Variants in IMPACT observed in about 807,000 individuals in gnomAD.
IMPACT encodes protein IMPACT.
IMPACT carries 35 observed loss-of-function variants against 47.5 expected under a neutral mutation model. That is an observed-to-expected ratio of 0.74 (90% CI 0.56 to 0.98). The LOEUF is 0.98. IMPACT is among the 50% of genes least tolerant of loss of function. IMPACT has a pLI of 0.00. For missense variants in IMPACT, 373 were observed against 394.8 expected (o/e 0.94, Z 0.47); for synonymous variants, 118 against 125.6 (o/e 0.94, Z 0.40).
rs1909441754 is a variant in IMPACT, at chr18:24,453,502, A to T, written c.*2655A>T. 6.7e-6 allele frequency: 1 copy of T among 149,104 alleles called. No individual in the cohort carries two copies. The highest frequency in any genetic ancestry group is 2.4e-5 in the African/African-American group (1 of 41,212). The allele number at this position is 149,104 out of a possible 1,614,324, so 9.2% of individuals were successfully genotyped here. The stretch of plus-strand genomic sequence containing the variant: ...TAGAAGTATATTGTTAACATTTTCC[A>T]TGTCAATAAATATTCTTCTATGGCT... On this transcript the variant is annotated 3_prime_UTR_variant, in exon 11 of 11. Transcript: ENST00000284202.
rs1909436563 is a variant in IMPACT at position 24,453,383 on chromosome 18, TTTC to T, written c.*2539_*2541del. ...GGTATGTACATCCTTATATTATTTT[TTTC>T]TTATGCATGATTTTGTATATATGGT... On this transcript the variant is annotated 3_prime_UTR_variant, in exon 11 of 11. Transcript: ENST00000284202. 1 of 152,218 alleles carries T rather than the reference TTTC, an allele frequency of 6.6e-6. No individual in the cohort carries two copies. Among genetic ancestry groups the T allele is most frequent in the African/African-American group, 2.4e-5 (1 of 41,458 alleles). The allele number at this position is 152,218 out of a possible 1,614,324, so 9.4% of individuals were successfully genotyped here.
In IMPACT at chr18:24,429,051, G is replaced by T. The variant is rs533196213; in HGVS notation, c.218+130G>T. ...ATATAGAAATTAAAAATACCTTTTG[G>T]GTTTGGTATAGAGCATTTAAATAAA... is the stretch of plus-strand genomic sequence containing the variant. On this transcript the variant is annotated intron_variant, in intron 3 of 10. Coordinates refer to ENST00000284202, the MANE Select transcript of IMPACT (RefSeq NM_018439.4). The T allele has an allele frequency of 1.3e-4, 74 of 568,194 alleles. No homozygotes were observed. The East Asian group carries it at 2.4e-3, about 18-fold the overall frequency. 35.2% of individuals were successfully genotyped at this position (568,194 alleles called of 1,614,324 possible). A position where few individuals can be genotyped will look rare whatever the true frequency, so the allele number is the denominator to read the frequency against.
chr18:24,449,983 A>T (rs1909341782), intron 10 of IMPACT, 30 bp downstream of exon 10: 1 of 1,603,798 alleles, frequency 6.2e-7, no homozygotes, highest in Non-Finnish European at 8.5e-7. Context: ...ACATCTAGAG[A>T]ATTTCTCATC....
intron 8 of IMPACT, among the ~76,000 whole-genome samples, chr18:24,447,387 A>AT (rs571145746): frequency 1.5e-4 from 23 of 149,378 alleles, no homozygotes; most frequent in South Asian, 6.4e-4. Context: ...AACTGACACT[A>AT]TTTTTTTTTT....
intron 6 of IMPACT, 36 bp from the exon 7 acceptor site, chr18:24,443,013 G>T: frequency 3.5e-6 from 4 of 1,154,020 alleles, no homozygotes; most frequent in Non-Finnish European, 5.1e-6. Flanking sequence ...TGAATGTAAG[G>T]CTTTTTAAAA....
intron 7 of IMPACT, among the ~76,000 whole-genome samples, 186 bp downstream of exon 7, chr18:24,443,338 GCTTT>G (rs751891703): frequency 1.3e-5 from 2 of 151,926 alleles, no homozygotes; most frequent in Non-Finnish European, 2.9e-5. Context: ...GTTTGTCTCT[GCTTT>G]CTTTCTTTTT....
intron 7 of IMPACT, among the ~76,000 whole-genome samples, chr18:24,444,031 C>T (rs1909184937): frequency 6.6e-6 from 1 of 152,172 alleles, no homozygotes; most frequent in Non-Finnish European, 1.5e-5. Flanking sequence ...TTCAGGGATA[C>T]AGCTCTTTGT....
intron 2 of IMPACT, 103 bp from the exon 3 acceptor site, chr18:24,428,766 C>A: frequency 1.3e-6 from 1 of 787,428 alleles, no homozygotes; most frequent in Non-Finnish European, 2.1e-6. Flanking sequence ...TTCCTTTCAT[C>A]TCTGTCCTCC....
At chr18:24,445,985 TAAAAG>T (rs907465442) in intron 8 of IMPACT, among the ~76,000 whole-genome samples, 2 of 152,162 alleles carry the variant, frequency 1.3e-5, no homozygotes, top group Non-Finnish European at 2.9e-5. Flanking sequence ...GGGAATATAA[TAAAAG>T]GAAGAAAGAA....
In IMPACT at chr18:24,452,569, G is replaced by A. The variant is rs780299604; in HGVS notation, c.*1722G>A. The A allele has an allele frequency of 6.6e-6, 1 of 152,046 alleles. No homozygotes were observed. Among genetic ancestry groups the A allele is most frequent in the Non-Finnish European group, 1.5e-5 (1 of 67,992 alleles). 9.4% of individuals were successfully genotyped at this position (152,046 alleles called of 1,614,324 possible). On this transcript the variant is annotated 3_prime_UTR_variant, in exon 11 of 11. Transcript: ENST00000284202. ...ATATTTTACTAACTAAAAAACTCTA[G>A]TATTCTTTACCTAAAGTCAATTGGC...
At position 24,451,112 on chromosome 18, in the gene IMPACT, G is replaced by T. The variant is rs906577134; in HGVS notation, c.*265G>T. ...ATCTAATTTTAGCAAGGTAACAGTT[G>T]CCCAGGGCAGTACCTGAATTAACTG... On this transcript the variant is annotated 3_prime_UTR_variant, in exon 11 of 11. Coordinates refer to ENST00000284202, the MANE Select transcript of IMPACT (RefSeq NM_018439.4). 2 of 280,232 alleles carry T rather than the reference G, an allele frequency of 7.1e-6. No individual in the cohort carries two copies. Among genetic ancestry groups the T allele is most frequent in the African/African-American group, 4.4e-5 (2 of 45,608 alleles). The allele number at this position is 280,232 out of a possible 1,614,324, so 17.4% of individuals were successfully genotyped here.
rs1183127615 is a variant in IMPACT at position 24,453,405 on chromosome 18, A to G, written c.*2558A>G. Reference sequence around the variant, plus strand: ...TTTTTTCTTATGCATGATTTTGTATATATGGTTATTTTTCTTTCCATAAAA... The same window carrying G: ...TTTTTTCTTATGCATGATTTTGTATGTATGGTTATTTTTCTTTCCATAAAA... On this transcript the variant is annotated 3_prime_UTR_variant, in exon 11 of 11. Transcript: ENST00000284202. 1 of 152,136 alleles carries G rather than the reference A, an allele frequency of 6.6e-6. No homozygotes were observed. The highest frequency in any genetic ancestry group is 1.5e-5 in the Non-Finnish European group (1 of 68,012). 9.4% of individuals were successfully genotyped at this position (152,136 alleles called of 1,614,324 possible). A position where few individuals can be genotyped will look rare whatever the true frequency, so the allele number is the denominator to read the frequency against.
chr18:24,442,094 T>C (rs1909129181), intron 6 of IMPACT, among the ~76,000 whole-genome samples: 1 of 151,806 alleles, frequency 6.6e-6, no homozygotes, highest in Non-Finnish European at 1.5e-5. Flanking sequence ...GTGAGGCAGG[T>C]AGTAGTAGCC....
intron 4 of IMPACT, among the ~76,000 whole-genome samples, chr18:24,431,700 A>T (rs1470824593): frequency 1.3e-5 from 2 of 150,900 alleles, no homozygotes; most frequent in Admixed American, 6.6e-5. Flanking sequence ...TTTAATTAAA[A>T]TTTTTTTTAA....
chr18:24,432,752 T>G (rs3826641), intron 4 of IMPACT, among the ~76,000 whole-genome samples: 100,185 of 151,354 alleles, frequency 0.66, 34,438 homozygotes, highest in Admixed American at 0.75. Context: ...TGTTCACCAT[T>G]AACACCAGAA....
chr18:24,440,500 A>G lies in IMPACT; in HGVS notation c.372A>G (p.Pro124=). 6.2e-7 allele frequency: 1 copy of G among 1,612,758 alleles called. No individual in the cohort carries two copies. Among genetic ancestry groups the G allele is most frequent in the Non-Finnish European group, 8.5e-7 (1 of 1,179,436 alleles). ...IQKSQMTEPG[P]DVKKKTEEED... Reference sequence around the variant, plus strand: ...TTGTGTCTCATATTCACATAGGCCCAGATGTAAAGAAGAAAACTGAAGAGG... The same window carrying G: ...TTGTGTCTCATATTCACATAGGCCCGGATGTAAAGAAGAAAACTGAAGAGG... Residue 124 remains proline, a synonymous_variant, in exon 6 of 11, where the codon CCA becomes CCG. Transcript: ENST00000284202.
intron 4 of IMPACT, among the ~76,000 whole-genome samples, chr18:24,433,494 C>T (rs138542417): frequency 0.018 from 2,712 of 150,898 alleles, 45 homozygotes; most frequent in Non-Finnish European, 0.023. Context: ...CCACCGCGCC[C>T]GGCCAACTTT....
At chr18:24,440,423 C>T in intron 5 of IMPACT, 73 bp from the exon 6 acceptor site, 2 of 1,515,040 alleles carry the variant, frequency 1.3e-6, no homozygotes, top group Non-Finnish European at 1.8e-6. Context: ...GAACCCAAGA[C>T]CCAGTGATTT....
At position 24,432,572 on chromosome 18, in the gene IMPACT, G is replaced by A. The variant is rs549901636; in HGVS notation, c.281+2188G>A. On this transcript the variant is annotated intron_variant, in intron 4 of 10. Coordinates refer to ENST00000284202, the MANE Select transcript of IMPACT (RefSeq NM_018439.4). The stretch of plus-strand genomic sequence containing the variant: ...ATTTAGTGATTCCGTCATCCTTGGC[G>A]GAAGTATAAGTATTTCATTAATTAA... Among the ~76,000 whole-genome samples the A allele has an allele frequency of 4.6e-4, 70 of 152,168 alleles. 1 individual carries two copies. The South Asian group carries it at 9.2e-3, about 20-fold the overall frequency.
Sources: allele counts gnomAD v4.1 joint callset (sites outside exome capture counted in the v4.1 genomes callset), GRCh38; gene constraint gnomAD v4.1.1; transcripts MANE v1.5; gene names NCBI Gene and HGNC (gene_info 2026-07-23, HGNC 2026-07-21).